ELP4: variants seen among roughly 807,000 people sequenced by gnomAD.
ELP4 encodes the protein elongator complex protein 4.
ELP4 carries 51 observed loss-of-function variants against 48.9 expected under a neutral mutation model. The observed-to-expected ratio is 1.04, with a 90% CI of 0.83 to 1.32. ELP4 has a LOEUF of 1.32. ELP4 is among the 40% of genes most tolerant of loss of function. ELP4 has a pLI of 0.00. For synonymous variants in ELP4, 210 were observed against 189.2 expected (o/e 1.11, Z -0.90); for missense variants, 519 against 514.6 (o/e 1.01, Z -0.08).
intron 3 of ELP4, among the ~76,000 whole-genome samples, chr11:31,592,619 A>T (rs1957601688): frequency 6.6e-6 from 1 of 150,962 alleles, no homozygotes; most frequent in Non-Finnish European, 1.5e-5. Flanking sequence ...TATCCTTTAC[A>T]TAGGCATTAA....
rs1052312318 is a variant in ELP4 at position 31,788,839 on chromosome 11, G to C, written c.*5315G>C. 1.5e-5 allele frequency: 3 copies of C among 204,704 alleles called. No individual in the cohort carries two copies. Among genetic ancestry groups the C allele is most frequent in the African/African-American group, 6.8e-5 (3 of 43,814 alleles). The allele number at this position is 204,704 out of a possible 1,614,324, so 12.7% of individuals were successfully genotyped here. A position where few individuals can be genotyped will look rare whatever the true frequency, so the allele number is the denominator to read the frequency against. On this transcript the variant is annotated 3_prime_UTR_variant, in exon 10 of 10. Transcript: ENST00000640961. ...AAGGATCATCAGGATGTAAAACAGA[G>C]TGTGTGTGAAAGTAACCATTGGTTT...
chr11:31,528,004 C>A (rs759847806), intron 2 of ELP4, among the ~76,000 whole-genome samples: 1 of 152,010 alleles, frequency 6.6e-6, no homozygotes, highest in Non-Finnish European at 1.5e-5. Flanking sequence ...TTTCTTGCTG[C>A]CTTTTATTTT....
chr11:31,743,434 CAG>C, intron 9 of ELP4, among the ~76,000 whole-genome samples: 1 of 152,184 alleles, frequency 6.6e-6, no homozygotes, highest in East Asian at 1.9e-4. Context: ...CCCAAATCAA[CAG>C]AATATACATT....
chr11:31,525,904 C>T (rs1195229928), intron 2 of ELP4, among the ~76,000 whole-genome samples: 1 of 152,078 alleles, frequency 6.6e-6, no homozygotes. Flanking sequence ...GGTCTTTTAT[C>T]TCTATAATAC....
intron 1 of ELP4, among the ~76,000 whole-genome samples, chr11:31,514,319 C>G (rs961665247): frequency 3.9e-5 from 6 of 152,084 alleles, no homozygotes; most frequent in Non-Finnish European, 7.4e-5. Context: ...ATCACCCAAG[C>G]TTGGTGGTGC....
intron 7 of ELP4, among the ~76,000 whole-genome samples, chr11:31,638,733 T>C (rs144099094): frequency 6.5e-4 from 99 of 151,978 alleles, no homozygotes; most frequent in Middle Eastern, 3.4e-3. Context: ...GAACAAACCT[T>C]TTCACATCCA....
intron 3 of ELP4, among the ~76,000 whole-genome samples, chr11:31,542,683 G>A (rs1037873015): frequency 2.0e-5 from 3 of 152,146 alleles, no homozygotes; most frequent in African/African-American, 7.2e-5. Context: ...CCTTAACTGT[G>A]TCCCAGTCCA....
intron 3 of ELP4, among the ~76,000 whole-genome samples, chr11:31,560,680 C>CATTGTTTTATATATATATAAAA (rs1957004144): frequency 6.8e-6 from 1 of 147,464 alleles, no homozygotes; most frequent in Non-Finnish European, 1.5e-5. Flanking sequence ...ATTATAAAGA[C>CATTGTTTTATATATATATAAAA]CACATTGTTT....
rs200972665 is a variant in ELP4, at chr11:31,693,157, T to G, written c.1143+42936T>G. ...ATGGAAATAATCTTAAACTCGTTTT[T>G]TTATTATTATTATTATTATACTTTA... On this transcript the variant is annotated intron_variant, in intron 9 of 9. Transcript: ENST00000640961. 2.7e-4 allele frequency among the ~76,000 whole-genome samples: 41 copies of G among 151,806 alleles called. No individual in the cohort carries two copies. In the East Asian group the frequency reaches 4.3e-3, roughly 16 times the overall value.
intron 4 of ELP4, among the ~76,000 whole-genome samples, chr11:31,601,762 A>G (rs1187593170): frequency 6.6e-6 from 1 of 152,108 alleles, no homozygotes; most frequent in Non-Finnish European, 1.5e-5. Context: ...CCAGTCTGCT[A>G]AAATAGATTA....
At chr11:31,535,384 C>G (rs919558305) in intron 2 of ELP4, among the ~76,000 whole-genome samples, 14 of 152,004 alleles carry the variant, frequency 9.2e-5, no homozygotes, top group African/African-American at 2.7e-4. Context: ...GTTCTGTTCC[C>G]CAGGCTGGAG....
intron 9 of ELP4, among the ~76,000 whole-genome samples, chr11:31,733,774 T>A (rs1242315981): frequency 6.6e-6 from 1 of 152,128 alleles, no homozygotes; most frequent in Non-Finnish European, 1.5e-5. Context: ...ACTGGTGAAT[T>A]CTACCAAACG....
intron 5 of ELP4, among the ~76,000 whole-genome samples, chr11:31,608,588 G>A (rs1237868800): frequency 1.3e-5 from 2 of 151,116 alleles, no homozygotes; most frequent in Non-Finnish European, 3.0e-5. Flanking sequence ...GGTAGCGGGT[G>A]CTGGGTGGGG....
At chr11:31,714,541 G>T (rs895624688) in intron 9 of ELP4, 3 of 397,262 alleles carry the variant, frequency 7.6e-6, no homozygotes, top group Non-Finnish European at 4.4e-6. Flanking sequence ...GAATTTACAT[G>T]CTGTACCAGT....
At chr11:31,700,430 A>C (rs1464186207) in intron 9 of ELP4, among the ~76,000 whole-genome samples, 1 of 152,140 alleles carries the variant, frequency 6.6e-6, no homozygotes, top group East Asian at 1.9e-4. Flanking sequence ...GAGTAGTCAC[A>C]GTAAGTCAGG....
intron 9 of ELP4, chr11:31,719,592 A>G (rs1946914980): frequency 1.5e-5 from 6 of 397,714 alleles, no homozygotes; most frequent in Non-Finnish European, 1.8e-5. Flanking sequence ...ACATACAATA[A>G]TGACAGAAGA....
intron 5 of ELP4, among the ~76,000 whole-genome samples, chr11:31,613,903 G>C (rs898065766): frequency 6.6e-6 from 1 of 151,580 alleles, no homozygotes. Context: ...TAGAGATGGG[G>C]TTTCACCATG....
chr11:31,630,142 A>C (rs1246980016), intron 6 of ELP4, among the ~76,000 whole-genome samples: 3 of 151,778 alleles, frequency 2.0e-5, no homozygotes, highest in African/African-American at 7.3e-5. Flanking sequence ...CATTTAAAAA[A>C]TTGAACCAGC....
intron 9 of ELP4, among the ~76,000 whole-genome samples, chr11:31,693,152 G>GT (rs925252300): frequency 6.6e-6 from 1 of 151,310 alleles, no homozygotes; most frequent in East Asian, 1.9e-4. Flanking sequence ...TCTTAAACTC[G>GT]TTTTTTTATT....
Sources: allele counts gnomAD v4.1 joint callset (sites outside exome capture counted in the v4.1 genomes callset), GRCh38; gene constraint gnomAD v4.1.1; transcripts MANE v1.5; gene names NCBI Gene and HGNC (gene_info 2026-07-23, HGNC 2026-07-21).